Variants in DPYD observed in about 807,000 individuals in gnomAD.
The protein encoded by DPYD is dihydropyrimidine dehydrogenase [NADP(+)].
A neutral mutation model predicts 116.2 loss-of-function variants in DPYD; 109 were observed. The ratio of observed to expected loss-of-function variants is 0.94; its 90% CI spans 0.80 to 1.10. The LOEUF (loss-of-function observed/expected upper bound fraction) is 1.10. Ranked by LOEUF, DPYD falls within the 50% of genes least tolerant of loss-of-function variation. The pLI is 0.00. For missense variants in DPYD, 1,302 were observed against 1,254.5 expected (o/e 1.04, Z -0.57); for synonymous variants, 440 against 432.0 (o/e 1.02, Z -0.23).
chr1:97,836,380 C>A (rs1669773536), intron 2 of DPYD, among the ~76,000 whole-genome samples: 1 of 152,044 alleles, frequency 6.6e-6, no homozygotes, highest in African/African-American at 2.4e-5. Flanking sequence ...CTTTGGAAAT[C>A]AAGTTTTAAT....
At chr1:97,206,669 T>C (rs1192941692) in intron 19 of DPYD, among the ~76,000 whole-genome samples, 1 of 108,232 alleles carries the variant, frequency 9.2e-6, no homozygotes, top group Non-Finnish European at 1.9e-5. Flanking sequence ...TATATATATA[T>C]ATATATATAT....
intron 20 of DPYD, among the ~76,000 whole-genome samples, chr1:97,165,874 C>A (rs1291445780): frequency 2.0e-5 from 3 of 151,772 alleles, no homozygotes; most frequent in African/African-American, 7.3e-5. Context: ...CATTGAGAAA[C>A]CATCTCACAT....
chr1:97,679,203 C>A (rs749760164), intron 7 of DPYD, 21 bp from the exon 8 acceptor site: 1 of 1,385,550 alleles, frequency 7.2e-7, no homozygotes, highest in Middle Eastern at 2.2e-4. Flanking sequence ...CAATATTTTG[C>A]ATAAGAAAAT....
intron 16 of DPYD, among the ~76,000 whole-genome samples, chr1:97,340,849 T>G (rs536721174): frequency 6.6e-6 from 1 of 152,256 alleles, no homozygotes; most frequent in East Asian, 1.9e-4. Context: ...ACATAGCACA[T>G]GTATTTTTCT....
intron 8 of DPYD, among the ~76,000 whole-genome samples, chr1:97,622,497 A>C (rs1254239536): frequency 6.6e-6 from 1 of 152,054 alleles, no homozygotes; most frequent in Non-Finnish European, 1.5e-5. Flanking sequence ...TGGCCACTAA[A>C]TATAACTTGG....
Position 97,668,545 on chromosome 1 carries a change from T to C in DPYD, c.850+10550A>G, listed in dbSNP as rs539059629. On this transcript the variant is annotated intron_variant, in intron 8 of 22. Coordinates refer to ENST00000370192, the MANE Select transcript of DPYD (RefSeq NM_000110.4). ...TATATAATAACCTCTTTAATTTTTC[T>C]GTAACATATAATTGCTAGCACACTG... is the stretch of plus-strand genomic sequence containing the variant. 4.6e-5 allele frequency among the ~76,000 whole-genome samples: 7 copies of C among 152,254 alleles called. No individual in the cohort carries two copies. In the South Asian group the frequency reaches 1.4e-3, roughly 32 times the overall value.
chr1:97,318,430 C>T (rs561156557), intron 16 of DPYD, among the ~76,000 whole-genome samples: 2,246 of 149,426 alleles, frequency 0.015, 40 homozygotes, highest in South Asian at 0.024. Flanking sequence ...GGGTTGCAAT[C>T]CTAGTCTCTG....
At chr1:97,223,023 G>A (rs114322228) in intron 19 of DPYD, among the ~76,000 whole-genome samples, 1,719 of 152,046 alleles carry the variant, frequency 0.011, 38 homozygotes, top group African/African-American at 0.039. Flanking sequence ...AAAGACACCC[G>A]TCAGTAAAGT....
At chr1:97,514,810 T>C (rs572720714) in intron 13 of DPYD, among the ~76,000 whole-genome samples, 3 of 151,974 alleles carry the variant, frequency 2.0e-5, no homozygotes, top group African/African-American at 7.2e-5. Context: ...CCTTAATGTT[T>C]TAGCCATAAT....
intron 20 of DPYD, among the ~76,000 whole-genome samples, chr1:97,136,433 T>C (rs1653802067): frequency 6.6e-6 from 1 of 152,212 alleles, no homozygotes; most frequent in African/African-American, 2.4e-5. Flanking sequence ...AGTGGCACTC[T>C]CCTACACTGT....
intron 21 of DPYD, chr1:97,095,925 A>C (rs1422493084): frequency 6.6e-6 from 1 of 152,156 alleles, no homozygotes; most frequent in Non-Finnish European, 1.5e-5. Flanking sequence ...TCCACCAGAC[A>C]TTGAGAAAAT....
At position 97,373,629 on chromosome 1, in the gene DPYD, C is replaced by A. The variant is rs138545885; in HGVS notation, c.1990G>T (p.Ala664Ser). Residue 664 changes from alanine (A) to serine (S), a missense_variant, in exon 16 of 23, where the codon GCC becomes TCC. By Grantham distance (99) the Ala-to-Ser change is moderately conservative (BLOSUM62 1). Transcript: ENST00000370192. ...GGACATGATAAATTTAACTCCAGGG[C>A]ATCTGCTCCAGAATCCTTTAAACAA... ...AKKSEDSGAD[A>S]LELNLSCPHG... The A allele has an allele frequency of 1.9e-5, 31 of 1,613,658 alleles. No individual in the cohort carries two copies. The African/African-American group carries it at 2.1e-4, about 11-fold the overall frequency.
intron 20 of DPYD, among the ~76,000 whole-genome samples, chr1:97,139,447 C>T (rs72965857): frequency 0.022 from 3,308 of 152,218 alleles, 57 homozygotes; most frequent in African/African-American, 0.052. Context: ...CCTAATAACA[C>T]TCATAAGTTT....
intron 13 of DPYD, among the ~76,000 whole-genome samples, chr1:97,489,049 G>A (rs1245439324): frequency 3.3e-5 from 5 of 152,184 alleles, no homozygotes; most frequent in East Asian, 1.9e-4. Context: ...CTCCCGGGCT[G>A]AGCCCCAATT....
chr1:97,592,840 G>A (rs1400495848), intron 10 of DPYD, among the ~76,000 whole-genome samples: 1 of 152,128 alleles, frequency 6.6e-6, no homozygotes, highest in East Asian at 1.9e-4. Context: ...TTGGCTTACG[G>A]AAAATTCCGT....
At chr1:97,468,815 C>T (rs1677472167) in intron 13 of DPYD, among the ~76,000 whole-genome samples, 1 of 152,058 alleles carries the variant, frequency 6.6e-6, no homozygotes, top group South Asian at 2.1e-4. Flanking sequence ...TTTTGATTTT[C>T]CTGCTAAGTT....
intron 11 of DPYD, among the ~76,000 whole-genome samples, chr1:97,564,076 G>A (rs915668992): frequency 6.6e-6 from 1 of 152,108 alleles, no homozygotes; most frequent in Non-Finnish European, 1.5e-5. Flanking sequence ...ATAATTAAAG[G>A]CAAAGCACTG....
intron 2 of DPYD, among the ~76,000 whole-genome samples, chr1:97,835,304 ATAT>A (rs1265272881): frequency 6.6e-6 from 1 of 152,128 alleles, no homozygotes; most frequent in African/African-American, 2.4e-5. Flanking sequence ...GATGAAAGTA[ATAT>A]TATCCACTCA....
intron 13 of DPYD, among the ~76,000 whole-genome samples, chr1:97,479,669 T>C (rs1255622061): frequency 6.6e-6 from 1 of 152,172 alleles, no homozygotes; most frequent in African/African-American, 2.4e-5. Context: ...GAAGAAAGGT[T>C]GCCACAAACC....
Sources: allele counts gnomAD v4.1 joint callset (sites outside exome capture counted in the v4.1 genomes callset), GRCh38; gene constraint gnomAD v4.1.1; transcripts MANE v1.5; gene names NCBI Gene and HGNC (gene_info 2026-07-23, HGNC 2026-07-21).